The following RTL4 variants were observed in gnomAD, a reference collection of about 807,000 sequenced individuals.
The protein encoded by RTL4 is retrotransposon Gag like 4.
Under a neutral mutation model 5.3 loss-of-function variants are expected in RTL4, and 4 were observed. That is an observed-to-expected ratio of 0.75 (90% CI 0.37 to 1.72). The LOEUF (loss-of-function observed/expected upper bound fraction) is 1.72. Ranked by LOEUF, RTL4 falls within the 40% of genes most tolerant of loss-of-function variation. The pLI is 0.04. For missense variants in RTL4, 260 were observed against 227.1 expected (o/e 1.14, Z -0.93); for synonymous variants, 98 against 87.3 (o/e 1.12, Z -0.68).
the RTL4 span, among the ~76,000 whole-genome samples, chrX:112,419,063 A>G: frequency 2.0e-5 from 2 of 102,102 alleles, no homozygotes; most frequent in African/African-American, 7.1e-5. Context: ...TATCTTATAT[A>G]TATATCTGGT....
At chrX:112,146,131 T>C in the RTL4 span, among the ~76,000 whole-genome samples, 3 of 111,952 alleles carry the variant, frequency 2.7e-5, no homozygotes, top group African/African-American at 9.7e-5. Flanking sequence ...AGGCCAAAGA[T>C]AATGCTGGCT....
At chrX:112,284,367 T>C in the RTL4 span, among the ~76,000 whole-genome samples, 2 of 110,389 alleles carry the variant, frequency 1.8e-5, no homozygotes, top group Admixed American at 9.8e-5. Flanking sequence ...GTAAGTCACT[T>C]AACTCTCCCT....
the RTL4 span, among the ~76,000 whole-genome samples, chrX:112,296,885 G>A: frequency 4.6e-5 from 5 of 109,240 alleles, no homozygotes; most frequent in African/African-American, 1.7e-4. Context: ...CAAAAGTGCT[G>A]GGATTACAGG....
the RTL4 span, among the ~76,000 whole-genome samples, chrX:112,285,053 A>G: frequency 8.9e-6 from 1 of 112,063 alleles, no homozygotes. Context: ...TCCTCTAAAA[A>G]CAATGGCCCA....
chrX:112,286,129 C>T, the RTL4 span, among the ~76,000 whole-genome samples: 2 of 111,606 alleles, frequency 1.8e-5, no homozygotes, highest in African/African-American at 6.5e-5. Context: ...GAAAGTCTCT[C>T]TGAGAAAACA....
At chrX:112,138,772 C>T in the RTL4 span, among the ~76,000 whole-genome samples, 14 of 111,014 alleles carry the variant, frequency 1.3e-4, no homozygotes, top group African/African-American at 3.3e-4. Flanking sequence ...AAATAACTTC[C>T]GAGAAAAGAG....
the RTL4 span, among the ~76,000 whole-genome samples, chrX:112,123,739 G>A: frequency 9.9e-5 from 11 of 111,561 alleles, no homozygotes; most frequent in Middle Eastern, 4.6e-3. Flanking sequence ...GCTTGAAGTC[G>A]GGTAGCATGA....
the RTL4 span, among the ~76,000 whole-genome samples, chrX:112,145,797 G>A: frequency 1.8e-5 from 2 of 111,592 alleles, no homozygotes; most frequent in Non-Finnish European, 3.8e-5. Context: ...CATCTGAACT[G>A]AGACCTGAAT....
chrX:112,370,768 T>A, the RTL4 span, among the ~76,000 whole-genome samples: 1 of 111,237 alleles, frequency 9.0e-6, no homozygotes. Context: ...CTGAGAAGCA[T>A]TCCTCTCTTT....
chrX:112,329,961 C>T, the RTL4 span, among the ~76,000 whole-genome samples: 64 of 106,859 alleles, frequency 6.0e-4, no homozygotes, highest in African/African-American at 1.3e-3. Context: ...ATTCAACAAC[C>T]CTTCATGCTA....
chrX:112,353,107 G>T, the RTL4 span, among the ~76,000 whole-genome samples: 1 of 111,921 alleles, frequency 8.9e-6, no homozygotes, highest in Non-Finnish European at 1.9e-5. Flanking sequence ...GGCCATCAGA[G>T]AAATGCAAAT....
the RTL4 span, among the ~76,000 whole-genome samples, chrX:112,198,357 C>T: frequency 1.8e-5 from 2 of 111,178 alleles, no homozygotes; most frequent in African/African-American, 6.5e-5. Context: ...GTCCCCAGAG[C>T]CTAAAATGGT....
the RTL4 span, among the ~76,000 whole-genome samples, chrX:112,293,380 A>ACTT: frequency 2.7e-5 from 3 of 112,525 alleles, no homozygotes; most frequent in Non-Finnish European, 5.6e-5. Flanking sequence ...TTAGCTGCCA[A>ACTT]CTTTGTATAA....
the RTL4 span, among the ~76,000 whole-genome samples, chrX:112,123,764 G>A: frequency 8.9e-6 from 1 of 111,801 alleles, no homozygotes; most frequent in Middle Eastern, 4.6e-3. Flanking sequence ...CCAGCTTCAG[G>A]ACATAGGCAT....
the RTL4 span, among the ~76,000 whole-genome samples, chrX:112,192,376 A>G: frequency 2.7e-5 from 3 of 110,872 alleles, no homozygotes; most frequent in African/African-American, 9.8e-5. Flanking sequence ...ACCATTAAGT[A>G]TGATGTTAGC....
At chrX:112,116,696 T>C in the RTL4 span, among the ~76,000 whole-genome samples, 18,658 of 110,781 alleles carry the variant, frequency 0.17, 2,442 homozygotes, top group African/African-American at 0.44. Context: ...TGCTGATTGG[T>C]CCATTTTACA....
chrX:112,386,060 A>C, the RTL4 span, among the ~76,000 whole-genome samples: 1 of 111,571 alleles, frequency 9.0e-6, no homozygotes, highest in African/African-American at 3.3e-5. Context: ...TTCCACATGG[A>C]CTTAAAATTT....
chrX:112,239,588 T>G, the RTL4 span, among the ~76,000 whole-genome samples: 1 of 110,778 alleles, frequency 9.0e-6, no homozygotes, highest in South Asian at 3.9e-4. Context: ...GCCCTCTATT[T>G]TATCCCCTAT....
chrX:112,332,933 T>C, the RTL4 span, among the ~76,000 whole-genome samples: 3 of 111,720 alleles, frequency 2.7e-5, no homozygotes, highest in African/African-American at 9.8e-5. Flanking sequence ...GTTAGGTGCA[T>C]ATATATTTAT....
Sources: gnomAD v4.1 joint callset for allele counts (sites outside exome capture counted in the v4.1 genomes callset) on GRCh38, gnomAD v4.1.1 for gene constraint, MANE v1.5 for transcripts, NCBI Gene and HGNC (gene_info 2026-07-23, HGNC 2026-07-21) for gene names.